The following CYP2J2 variants were observed in gnomAD, a reference collection of about 807,000 sequenced individuals.
CYP2J2 encodes cytochrome P450 2J2.
In CYP2J2, 41 loss-of-function variants were observed where a neutral mutation model predicts 48.8. The observed-to-expected ratio is 0.84, with a 90% CI of 0.66 to 1.09. The LOEUF (loss-of-function observed/expected upper bound fraction) is 1.09, where lower values mean the gene tolerates loss of function less well. Among genes scored for constraint, CYP2J2 ranks in the 50% least tolerant of loss-of-function variants. The probability of loss-of-function intolerance (pLI) is 0.00; values close to 1 mark genes in which losing one functional copy is unlikely to be tolerated. For missense variants in CYP2J2, 644 were observed against 617.3 expected (o/e 1.04, Z -0.46); for synonymous variants, 221 against 227.1 (o/e 0.97, Z 0.24).
the CYP2J2 span, among the ~76,000 whole-genome samples, chr1:59,951,106 C>T: frequency 1.3e-5 from 2 of 152,184 alleles, no homozygotes; most frequent in East Asian, 3.9e-4. Context: ...CTTTTGAAAA[C>T]AATTTCCACA....
At chr1:59,951,225 A>T in the CYP2J2 span, among the ~76,000 whole-genome samples, 1 of 152,172 alleles carries the variant, frequency 6.6e-6, no homozygotes, top group Non-Finnish European at 1.5e-5. Context: ...ACCAGTGTTC[A>T]TGTTCTTTAC....
chr1:59,930,910 C>A (rs918855576), upstream of CYP2J2, among the ~76,000 whole-genome samples: 1 of 152,098 alleles, frequency 6.6e-6, no homozygotes, highest in African/African-American at 2.4e-5. Flanking sequence ...ATTATGCAAT[C>A]ATAAAAGATG....
At chr1:59,945,426 CTAT>C in the CYP2J2 span, among the ~76,000 whole-genome samples, 1 of 151,730 alleles carries the variant, frequency 6.6e-6, no homozygotes, top group African/African-American at 2.4e-5. Context: ...ATCTATCTAT[CTAT>C]CTATCTATCT....
At chr1:59,953,502 G>A in the CYP2J2 span, among the ~76,000 whole-genome samples, 2 of 143,396 alleles carry the variant, frequency 1.4e-5, no homozygotes, top group East Asian at 4.0e-4. Context: ...ACACCAGTGT[G>A]TATATGTGTG....
At position 59,907,065 on chromosome 1, in the gene CYP2J2, T is replaced by C. The variant is rs190095378; in HGVS notation, c.1003+721A>G. Among the ~76,000 whole-genome samples, 23 of 152,310 alleles carry C rather than the reference T, an allele frequency of 1.5e-4. No homozygotes were observed. The East Asian group carries it at 2.7e-3, about 18-fold the overall frequency. ...AAGAAAAATAATGAGAACATCATTC[T>C]TGAGTGGACTATAGTCTGTGGGGAA... On this transcript the variant is annotated intron_variant, in intron 6 of 8. Coordinates refer to ENST00000371204, the MANE Select transcript of CYP2J2 (RefSeq NM_000775.4).
the CYP2J2 span, among the ~76,000 whole-genome samples, chr1:59,939,713 C>T: frequency 6.6e-6 from 1 of 152,212 alleles, no homozygotes; most frequent in African/African-American, 2.4e-5. Context: ...GTTCAGGAGC[C>T]AGGGACTAAA....
chr1:59,918,867 C>T (rs1644489003), intron 1 of CYP2J2, among the ~76,000 whole-genome samples: 2 of 151,798 alleles, frequency 1.3e-5, no homozygotes, highest in Non-Finnish European at 2.9e-5. Context: ...GTAGCATAAG[C>T]ATTTAAAAAA....
chr1:59,935,964 A>G, the CYP2J2 span, among the ~76,000 whole-genome samples: 1 of 152,132 alleles, frequency 6.6e-6, no homozygotes, highest in Non-Finnish European at 1.5e-5. Flanking sequence ...TTAGTACAAA[A>G]AAAAGTTTGG....
At chr1:59,897,356 G>A (rs546560563) in intron 8 of CYP2J2, among the ~76,000 whole-genome samples, 7 of 152,222 alleles carry the variant, frequency 4.6e-5, no homozygotes, top group South Asian at 2.1e-4. Flanking sequence ...ATTCATTCTC[G>A]CAAAACTAAA....
chr1:59,924,149 A>G (rs970213205), intron 1 of CYP2J2, among the ~76,000 whole-genome samples: 1 of 152,184 alleles, frequency 6.6e-6, no homozygotes, highest in Admixed American at 6.5e-5. Flanking sequence ...GAAGAAGCAT[A>G]AACTTTTAAA....
At chr1:59,939,276 G>A in the CYP2J2 span, among the ~76,000 whole-genome samples, 1 of 152,206 alleles carries the variant, frequency 6.6e-6, no homozygotes, top group African/African-American at 2.4e-5. Flanking sequence ...TGTAATTGTA[G>A]CTGTATCTGC....
intron 8 of CYP2J2, among the ~76,000 whole-genome samples, chr1:59,897,427 C>T (rs1216593759): frequency 1.3e-5 from 2 of 152,162 alleles, no homozygotes; most frequent in Admixed American, 1.3e-4. Flanking sequence ...CACGGCTAGG[C>T]AAGGATCCCA....
rs1335144106 is a variant in CYP2J2, at chr1:59,893,806, G to C, written c.1354C>G (p.Gln452Glu). 1 of 1,608,038 alleles carries C rather than the reference G, an allele frequency of 6.2e-7. No individual in the cohort carries two copies. Among genetic ancestry groups the C allele is most frequent in the Non-Finnish European group, 8.5e-7 (1 of 1,177,728 alleles). The stretch of plus-strand genomic sequence containing the variant: ...ATAAACAGCTCAGTCCTGGCCAACT[G>C]TTCTCCGAGGCATGCCCGCTTTCCT... ...SIGKRACLGEQLARTELFIFF... is the reference protein window; with the variant it reads ...SIGKRACLGEELARTELFIFF... Residue 452 changes from glutamine (Q) to glutamate (E), a missense_variant, in exon 9 of 9, where the codon CAG (glutamine) becomes GAG (glutamate). Physicochemically the swap from Gln to Glu is conservative, Grantham distance 29. Coordinates refer to ENST00000371204, the MANE Select transcript of CYP2J2 (RefSeq NM_000775.4).
chr1:59,904,856 G>A lies in CYP2J2; in HGVS notation c.1191+15C>T. The A allele has an allele frequency of 6.2e-7, 1 of 1,607,220 alleles. No homozygotes were observed. Among genetic ancestry groups the A allele is most frequent in the Non-Finnish European group, 8.5e-7 (1 of 1,176,986 alleles). ...TACCCCCCTAAAAGATGGGCTTGAA[G>A]ATCTGCTTAATTACCTTGGGCAGGT... On this transcript the variant is annotated intron_variant, in intron 7 of 8. Transcript: ENST00000371204.
chr1:59,896,756 A>C (rs548334909), intron 8 of CYP2J2, among the ~76,000 whole-genome samples: 1 of 152,328 alleles, frequency 6.6e-6, no homozygotes, highest in Non-Finnish European at 1.5e-5. Flanking sequence ...ACCTATTCAC[A>C]GCAATAATTT....
At chr1:59,915,850 T>C in intron 2 of CYP2J2, 88 bp downstream of exon 2, 4 of 1,308,918 alleles carry the variant, frequency 3.1e-6, no homozygotes, top group Non-Finnish European at 4.2e-6. Context: ...TCTAGGAGTG[T>C]TGGAAAATTA....
At chr1:59,920,020 A>C (rs1222701427) in intron 1 of CYP2J2, among the ~76,000 whole-genome samples, 1 of 152,136 alleles carries the variant, frequency 6.6e-6, no homozygotes, top group Non-Finnish European at 1.5e-5. Flanking sequence ...AATGGAATGC[A>C]CAGCAGATGA....
At chr1:59,914,722 T>C (rs981219573) in intron 2 of CYP2J2, among the ~76,000 whole-genome samples, 3 of 152,202 alleles carry the variant, frequency 2.0e-5, no homozygotes, top group Non-Finnish European at 2.9e-5. Context: ...TTTCTCCCCA[T>C]GTGATAGTCT....
chr1:59,926,628 G>A lies in CYP2J2; in HGVS notation c.119C>T (p.Pro40Leu). The A allele has an allele frequency of 6.2e-7, 1 of 1,614,222 alleles. No individual in the cohort carries two copies. Among genetic ancestry groups the A allele is most frequent in the Non-Finnish European group, 8.5e-7 (1 of 1,180,034 alleles). ...LAADFLKRRRPKNYPPGPWRL... is the reference protein window; with the variant it reads ...LAADFLKRRRLKNYPPGPWRL... ...CCAGGGCCCCGGCGGGTAGTTCTTT[G>A]GGCGCCGTCTTTTGAGAAAGTCAGC... The change falls in exon 1 of 9, where the codon CCA becomes CTA. Residue 40 changes from proline to leucine, a missense_variant. Transcript: ENST00000371204.
Sources: allele counts gnomAD v4.1 joint callset (sites outside exome capture counted in the v4.1 genomes callset), GRCh38; gene constraint gnomAD v4.1.1; transcripts MANE v1.5; gene names NCBI Gene and HGNC (gene_info 2026-07-23, HGNC 2026-07-21).